The following CCNB2 variants were observed in gnomAD, a reference collection of about 807,000 sequenced individuals.
CCNB2 encodes the protein G2/mitotic-specific cyclin-B2.
A neutral mutation model predicts 51.1 loss-of-function variants in CCNB2; 39 were observed. That is an observed-to-expected ratio of 0.76 (90% CI 0.59 to 1.00). The LOEUF is 1.00. CCNB2 is among the 50% of genes least tolerant of loss of function. The probability of loss-of-function intolerance (pLI) is 0.00; values close to 1 mark genes in which losing one functional copy is unlikely to be tolerated. For synonymous variants in CCNB2, 174 were observed against 165.5 expected (o/e 1.05, Z -0.40); for missense variants, 472 against 470.3 (o/e 1.00, Z -0.03).
chr15:59,115,020 A>G (rs1032221816), intron 5 of CCNB2, 144 bp downstream of exon 5: 11 of 857,626 alleles, frequency 1.3e-5, no homozygotes, highest in Non-Finnish European at 1.8e-5. Flanking sequence ...GGGACTAAAA[A>G]GGGAAGTAAT....
chr15:59,116,751 C>T lies in CCNB2; in HGVS notation c.659C>T (p.Ser220Phe). 1 of 1,613,388 alleles carries T rather than the reference C, an allele frequency of 6.2e-7. No homozygotes were observed. Among genetic ancestry groups the T allele is most frequent in the Non-Finnish European group, 8.5e-7 (1 of 1,180,004 alleles). The change falls in exon 6 of 9, where the codon TCC becomes TTC. Residue 220 changes from serine to phenylalanine, a missense_variant. Ser to Phe is a radical substitution (Grantham distance 155, BLOSUM62 -2). Coordinates refer to ENST00000288207, the MANE Select transcript of CCNB2 (RefSeq NM_004701.4). Reference sequence around the variant, plus strand: ...GGGATTACTGCTCTGCTCTTGGCTTCCAAGTATGAGGAGATGTTTTCTCCA... The same window carrying T: ...GGGATTACTGCTCTGCTCTTGGCTTTCAAGTATGAGGAGATGTTTTCTCCA... Reference protein sequence around the residue: ...LVGITALLLASKYEEMFSPNI... With the variant: ...LVGITALLLAFKYEEMFSPNI...
chr15:59,114,550 G>T lies in CCNB2; in HGVS notation c.374G>T (p.Trp125Leu). The T allele has an allele frequency of 6.2e-7, 1 of 1,613,672 alleles. No homozygotes were observed. Among genetic ancestry groups the T allele is most frequent in the Non-Finnish European group, 8.5e-7 (1 of 1,179,800 alleles). Reference sequence around the variant, plus strand: ...ATCGAGGACATTGATAACGAAGATTGGGAGAACCCTCAGCTCTGCAGTGAC... The same window carrying T: ...ATCGAGGACATTGATAACGAAGATTTGGAGAACCCTCAGCTCTGCAGTGAC... ...CKIEDIDNEDWENPQLCSDYV... is the reference protein window; with the variant it reads ...CKIEDIDNEDLENPQLCSDYV... Residue 125 changes from tryptophan (W) to leucine (L), a missense_variant, in exon 4 of 9, where the codon TGG becomes TTG. Physicochemically the swap from Trp to Leu is moderately conservative, Grantham distance 61 (BLOSUM62 -2). Transcript: ENST00000288207.
rs566348759 is a variant in CCNB2 at position 59,116,837 on chromosome 15, A to G, written c.745A>G (p.Met249Val). The change falls in exon 6 of 9, where the codon ATG becomes GTG. Residue 249 changes from methionine to valine, a missense_variant. Coordinates refer to ENST00000288207, the MANE Select transcript of CCNB2 (RefSeq NM_004701.4). ...NAYTSSQIRE[M>V]ETLILKELKF... The stretch of plus-strand genomic sequence containing the variant: ...TTATACCAGTTCCCAAATCCGAGAA[A>G]TGGAAACTCTAATTTTGAAAGAATT... 31 of 1,614,202 alleles carry G rather than the reference A, an allele frequency of 1.9e-5. 1 individual carries two copies. In the Admixed American group the frequency reaches 3.8e-4, roughly 20 times the overall value.
chr15:59,111,427 C>A (rs1026502465), intron 3 of CCNB2, among the ~76,000 whole-genome samples: 2 of 152,230 alleles, frequency 1.3e-5, no homozygotes, highest in Admixed American at 1.3e-4. Flanking sequence ...ATGATAACCT[C>A]TATCTCCTTA....
At position 59,124,934 on chromosome 15, in the gene CCNB2, G is replaced by C; in HGVS notation, c.*57G>C. The C allele has an allele frequency of 9.3e-7, 1 of 1,079,892 alleles. No individual in the cohort carries two copies. The highest frequency in any genetic ancestry group is 1.6e-5 in the African/African-American group (1 of 61,974). 66.9% of individuals were successfully genotyped at this position (1,079,892 alleles called of 1,614,324 possible). A position where few individuals can be genotyped will look rare whatever the true frequency, so the allele number is the denominator to read the frequency against. ...TTGTGCCCTTTTTCTTATTGGTTTAGAACTCTTGATTTTGTACATAGTCCT... is the reference window on the plus strand; with the variant it reads ...TTGTGCCCTTTTTCTTATTGGTTTACAACTCTTGATTTTGTACATAGTCCT... On this transcript the variant is annotated 3_prime_UTR_variant, in exon 9 of 9. Coordinates refer to ENST00000288207, the MANE Select transcript of CCNB2 (RefSeq NM_004701.4).
At chr15:59,123,684 T>A in intron 8 of CCNB2, 57 bp downstream of exon 8, 1 of 861,358 alleles carries the variant, frequency 1.2e-6, no homozygotes, top group East Asian at 3.0e-5. Flanking sequence ...GTTTTGTGTG[T>A]ATGTTGGGCG....
Position 59,117,241 on chromosome 15 carries a change from A to C in CCNB2, c.848A>C (p.Gln283Pro). ...ASKAGEVDVE[Q>P]HTLAKYLMEL... ...GTTCTTTCTTAGGTTGATGTTGAAC[A>C]GCACACTTTAGCCAAGTATTTGATG... Residue 283 changes from glutamine (Q) to proline (P), a missense_variant, in exon 7 of 9, where the codon CAG (glutamine) becomes CCG (proline). Gln to Pro is a moderately conservative substitution (Grantham distance 76, BLOSUM62 -1). Coordinates refer to ENST00000288207, the MANE Select transcript of CCNB2 (RefSeq NM_004701.4). 1 of 1,612,880 alleles carries C rather than the reference A, an allele frequency of 6.2e-7. No homozygotes were observed.
At chr15:59,108,351 C>CA (rs1190438991) in intron 3 of CCNB2, among the ~76,000 whole-genome samples, 1 of 152,130 alleles carries the variant, frequency 6.6e-6, no homozygotes, top group African/African-American at 2.4e-5. Flanking sequence ...CTTGAGGAAA[C>CA]AAAGTTTTGA....
chr15:59,123,693 C>A (rs74017364), intron 8 of CCNB2, 66 bp downstream of exon 8: 14 of 384,592 alleles, frequency 3.6e-5, no homozygotes, highest in Middle Eastern at 4.8e-4. Context: ...GTATGTTGGG[C>A]GGGGGGGGGC....
At chr15:59,117,459 G>A (rs2079283934) in intron 7 of CCNB2, 91 bp downstream of exon 7, 2 of 1,328,248 alleles carry the variant, frequency 1.5e-6, no homozygotes, top group African/African-American at 1.5e-5. Context: ...CACTATCCTT[G>A]AAGCAGTTGG....
chr15:59,117,118 GAGA>G, intron 6 of CCNB2, 107 bp from the exon 7 acceptor site: 1 of 1,168,844 alleles, frequency 8.6e-7, no homozygotes, highest in Non-Finnish European at 1.2e-6. Context: ...AGTAATTCTT[GAGA>G]AGGATAAGTG....
intron 3 of CCNB2, among the ~76,000 whole-genome samples, chr15:59,108,550 C>CATT (rs2079245328): frequency 9.8e-6 from 1 of 102,314 alleles, no homozygotes; most frequent in Admixed American, 1.0e-4. Flanking sequence ...TGTCTTTCAT[C>CATT]TTGTATTTAG....
chr15:59,115,776 G>A (rs2079276339), intron 5 of CCNB2: 2 of 151,970 alleles, frequency 1.3e-5, no homozygotes, highest in African/African-American at 4.8e-5. Context: ...TGTTGCCCAC[G>A]CTGGAGTGCA....
rs371888839 is a variant in CCNB2, at chr15:59,107,439, C to T, written c.142C>T (p.Gln48Ter). ...IGNRVTTRAAQVAKKAQNTKV... is the reference protein window; with the variant it reads ...IGNRVTTRAA ...AAATAGAGTTACAACCAGAGCAGCA[C>T]AAGTAGCTAAGGTAACAATGATGAA... Residue 48 changes from glutamine (Q) to a stop codon, truncating the protein, a stop_gained, in exon 2 of 9, where the codon CAA becomes TAA. Transcript: ENST00000288207. LOFTEE classifies it high-confidence loss of function. The T allele has an allele frequency of 6.2e-7, 1 of 1,613,720 alleles. No homozygotes were observed. Among genetic ancestry groups the T allele is most frequent in the African/African-American group, 1.3e-5 (1 of 74,812 alleles).
chr15:59,123,420 A>C, intron 7 of CCNB2, 97 bp from the exon 8 acceptor site: 1 of 697,004 alleles, frequency 1.4e-6, no homozygotes, highest in Admixed American at 2.4e-5. Context: ...GCTTTTACAT[A>C]AGTAATGTCA....
In CCNB2 at chr15:59,111,889, T is replaced by C. The variant is rs151261612; in HGVS notation, c.268-2555T>C. Among the ~76,000 whole-genome samples, 369 of 150,104 alleles carry C rather than the reference T, an allele frequency of 2.5e-3. 4 individuals carry two copies. The highest frequency in any genetic ancestry group is 8.6e-3 in the African/African-American group (349 of 40,644). On this transcript the variant is annotated intron_variant, in intron 3 of 8. Coordinates refer to ENST00000288207, the MANE Select transcript of CCNB2 (RefSeq NM_004701.4). ...TTTTTTTTTTGACAGAGTCTCACTCTGTCTCTAGGCTGGAGTACAGTGGCA... is the reference window on the plus strand; with the variant it reads ...TTTTTTTTTTGACAGAGTCTCACTCCGTCTCTAGGCTGGAGTACAGTGGCA...
intron 8 of CCNB2, chr15:59,123,838 A>AG: frequency 2.0e-6 from 1 of 490,358 alleles, no homozygotes; most frequent in Non-Finnish European, 3.7e-6. Context: ...ATTTGAAACA[A>AG]GGTCGATAGG....
At chr15:59,107,776 C>T (rs1373589934) in intron 3 of CCNB2, 106 bp downstream of exon 3, 2 of 775,502 alleles carry the variant, frequency 2.6e-6, no homozygotes, top group Non-Finnish European at 2.1e-6. Context: ...ACATTCATAG[C>T]TGGAGCTCTG....
chr15:59,112,989 G>A (rs1056952051), intron 3 of CCNB2, among the ~76,000 whole-genome samples: 2 of 151,514 alleles, frequency 1.3e-5, no homozygotes, highest in Non-Finnish European at 2.9e-5. Flanking sequence ...AGCCAAGGTC[G>A]TGCCACTGCA....
Sources: allele counts gnomAD v4.1 joint callset (sites outside exome capture counted in the v4.1 genomes callset), GRCh38; gene constraint gnomAD v4.1.1; transcripts MANE v1.5; gene names NCBI Gene and HGNC (gene_info 2026-07-23, HGNC 2026-07-21).